MAGEB1: variants seen among roughly 807,000 people sequenced by gnomAD.
MAGEB1 encodes melanoma-associated antigen B1.
For missense variants in MAGEB1, 290 were observed against 286.7 expected, an observed-to-expected ratio of 1.01 and a Z score of -0.08; for synonymous variants, 99 against 105.7, an observed-to-expected ratio of 0.94 and a Z score of 0.39.
At chrX:30,246,326 G>A (rs1204509152), upstream of MAGEB1, 16 of 112,337 alleles carry the variant, frequency 1.4e-4, no homozygotes, top group Non-Finnish European at 1.9e-5. Context: ...GATCATCCAG[G>A]AGTACAACTC....
chrX:30,248,313 A>G (rs1001080251), intron 1 of MAGEB1, among the ~76,000 whole-genome samples: 1 of 112,100 alleles, frequency 8.9e-6, no homozygotes, highest in African/African-American at 3.2e-5. Flanking sequence ...CCAGTTCAGT[A>G]GAGAGATAGG....
chrX:30,245,516 A>T (rs1379246771), upstream of MAGEB1, among the ~76,000 whole-genome samples: 1 of 111,384 alleles, frequency 9.0e-6, no homozygotes, highest in African/African-American at 3.3e-5. Flanking sequence ...CTGGAACTAG[A>T]CTGCTGGTCT....
chrX:30,245,860 G>T (rs1372596657), upstream of MAGEB1, among the ~76,000 whole-genome samples: 2 of 112,229 alleles, frequency 1.8e-5, no homozygotes, highest in Non-Finnish European at 3.8e-5. Context: ...ACTACCCTTT[G>T]GTTGGTGAAG....
In MAGEB1 at chrX:30,251,010, C is replaced by T. The variant is rs1439095845; in HGVS notation, c.517C>T (p.His173Tyr). ...TTTGAAGGAAGACAACCCTAGTGGC[C>T]ACACCTACACCCTCGTCAGTAAGCT... ...LDLKEDNPSG[H>Y]TYTLVSKLNL... The change falls in exon 2 of 2, where the codon CAC (histidine) becomes TAC (tyrosine). Residue 173 changes from histidine to tyrosine, a missense_variant. By Grantham distance (83) the His-to-Tyr change is moderately conservative. Transcript: ENST00000397548. The T allele has an allele frequency of 3.3e-6, 4 of 1,211,511 alleles. No individual in the cohort carries two copies. The highest frequency in any genetic ancestry group is 4.5e-6 in the Non-Finnish European group (4 of 895,367).
At chrX:30,248,415 C>G (rs1188539510) in intron 1 of MAGEB1, among the ~76,000 whole-genome samples, 1 of 112,340 alleles carries the variant, frequency 8.9e-6, no homozygotes, top group Non-Finnish European at 1.9e-5. Context: ...ACAGTCTTAC[C>G]TTGGCGTTCA....
intron 1 of MAGEB1, among the ~76,000 whole-genome samples, chrX:30,249,165 G>C (rs12853696): frequency 8.9e-6 from 1 of 111,732 alleles, no homozygotes; most frequent in Non-Finnish European, 1.9e-5. Context: ...GAGGAGCTCA[G>C]ACTCTGCTTG....
chrX:30,244,602 AC>A (rs774614109), upstream of MAGEB1, among the ~76,000 whole-genome samples: 1 of 112,043 alleles, frequency 8.9e-6, no homozygotes, highest in African/African-American at 3.2e-5. Context: ...GGTAACTGAG[AC>A]TTCGGGAAAC....
chrX:30,247,930 C>A (rs946476707), intron 1 of MAGEB1, among the ~76,000 whole-genome samples: 1 of 79,999 alleles, frequency 1.3e-5, no homozygotes, highest in Admixed American at 1.8e-4. Context: ...GGTGACAGAG[C>A]GAGACTCAGT....
chrX:30,248,700 A>G (rs1601967703), intron 1 of MAGEB1, among the ~76,000 whole-genome samples: 1 of 111,551 alleles, frequency 9.0e-6, no homozygotes, highest in East Asian at 2.8e-4. Context: ...AGAGCATCTC[A>G]GGGAAGTGGG....
upstream of MAGEB1, among the ~76,000 whole-genome samples, chrX:30,244,605 T>G (rs930220492): frequency 2.7e-5 from 3 of 111,818 alleles, no homozygotes; most frequent in Non-Finnish European, 5.6e-5. Context: ...AACTGAGACT[T>G]CGGGAAACTG....
intron 1 of MAGEB1, among the ~76,000 whole-genome samples, chrX:30,247,875 C>T (rs1029609356): frequency 1.0e-5 from 1 of 95,604 alleles, no homozygotes; most frequent in African/African-American, 3.8e-5. Context: ...ACCCGGGAAG[C>T]GGAGCTTACA....
chrX:30,251,321 C>A lies in MAGEB1; in HGVS notation c.828C>A (p.Ala276=). ...PRYQFLWGPR[A]YAETTKMKVL... Reference sequence around the variant, plus strand: ...ATCAATTCCTATGGGGTCCGAGAGCCTATGCTGAAACCACCAAGATGAAAG... The same window carrying A: ...ATCAATTCCTATGGGGTCCGAGAGCATATGCTGAAACCACCAAGATGAAAG... Residue 276 remains alanine, a synonymous_variant, in exon 2 of 2, where the codon GCC becomes GCA. Coordinates refer to ENST00000397548, the MANE Select transcript of MAGEB1 (RefSeq NM_177404.3). 8.3e-7 allele frequency: 1 copy of A among 1,211,928 alleles called. No homozygotes were observed. The highest frequency in any genetic ancestry group is 1.7e-5 in the African/African-American group (1 of 57,832).
Position 30,251,211 on chromosome X carries a change from G to A in MAGEB1, c.718G>A (p.Glu240Lys). The A allele has an allele frequency of 1.7e-6, 2 of 1,211,917 alleles. No homozygotes were observed. The highest frequency in any genetic ancestry group is 3.5e-5 in the South Asian group (2 of 56,968). ...YDGEEHLIYGEPRKFITQDLV... is the reference protein window; with the variant it reads ...YDGEEHLIYGKPRKFITQDLV... ...TGGAGAGGAGCACTTAATCTATGGG[G>A]AACCCCGTAAGTTCATCACCCAAGA... is the stretch of plus-strand genomic sequence containing the variant. Residue 240 changes from glutamate to lysine, a missense_variant, in exon 2 of 2, where the codon GAA (glutamate) becomes AAA (lysine). Glu to Lys is a moderately conservative substitution (Grantham distance 56). Coordinates refer to ENST00000397548, the MANE Select transcript of MAGEB1 (RefSeq NM_177404.3).
chrX:30,243,958 G>T (rs913040788), upstream of MAGEB1: 2 of 123,552 alleles, frequency 1.6e-5, no homozygotes, highest in South Asian at 7.3e-4. Context: ...TTAAATTGTA[G>T]ATTTATTTAG....
upstream of MAGEB1, among the ~76,000 whole-genome samples, chrX:30,245,921 T>C (rs188665520): frequency 5.6e-4 from 63 of 112,233 alleles, no homozygotes; most frequent in Non-Finnish European, 1.0e-3. Context: ...ACATCTGTCC[T>C]AGGCTCTCCA....
chrX:30,251,293 G>A lies in MAGEB1; in HGVS notation c.800G>A (p.Arg267His), dbSNP rs1319038893. The A allele has an allele frequency of 2.5e-6, 3 of 1,211,801 alleles. No individual in the cohort carries two copies. Among genetic ancestry groups the A allele is most frequent in the Non-Finnish European group, 3.4e-6 (3 of 895,454 alleles). Residue 267 changes from arginine (R) to histidine (H), a missense_variant, in exon 2 of 2, where the codon CGC becomes CAC. By Grantham distance (29) the Arg-to-His change is conservative. Transcript: ENST00000397548. ...CAGGTGCCCAACAGTGATCCCCCAC[G>A]CTATCAATTCCTATGGGGTCCGAGA... ...YEQVPNSDPP[R>H]YQFLWGPRAY...
intron 1 of MAGEB1, among the ~76,000 whole-genome samples, chrX:30,248,614 CAGAT>C (rs1208863952): frequency 2.7e-5 from 3 of 111,500 alleles, no homozygotes; most frequent in Non-Finnish European, 3.8e-5. Flanking sequence ...AGAGGTAACA[CAGAT>C]AGAGCCCTAT....
Sources: allele counts gnomAD v4.1 joint callset (sites outside exome capture counted in the v4.1 genomes callset), GRCh38; gene constraint gnomAD v4.1.1; transcripts MANE v1.5; gene names NCBI Gene and HGNC (gene_info 2026-07-23, HGNC 2026-07-21).